SEMA3A: variants seen among roughly 807,000 people sequenced by gnomAD.
SEMA3A encodes semaphorin-3A.
SEMA3A carries 29 observed loss-of-function variants against 97.9 expected under a neutral mutation model. The observed-to-expected ratio is 0.30, with a 90% CI of 0.22 to 0.40. SEMA3A has a LOEUF of 0.40. Ranked by LOEUF, SEMA3A falls within the 10% of genes least tolerant of loss-of-function variation. The pLI, the probability that SEMA3A is intolerant of heterozygous loss-of-function variation, is 1.00. For missense variants in SEMA3A, 763 were observed against 951.3 expected, an observed-to-expected ratio of 0.80 and a Z score of 2.60; for synonymous variants, 321 against 323.7, an observed-to-expected ratio of 0.99 and a Z score of 0.09.
chr7:84,115,444 A>G lies in SEMA3A; in HGVS notation c.334-4855T>C, dbSNP rs1460158266. Among the ~76,000 whole-genome samples, 4 of 71,864 alleles carry G rather than the reference A, an allele frequency of 5.6e-5. No individual in the cohort carries two copies. The Admixed American group carries it at 5.7e-4, about 10-fold the overall frequency. 47.1% of individuals were successfully genotyped at this position (71,864 alleles called of 152,430 possible). ...TACTTGAAACCTTCAAACATGTTCAAAATGATTATACACTAGGCACTATAG... is the reference window on the plus strand; with the variant it reads ...TACTTGAAACCTTCAAACATGTTCAGAATGATTATACACTAGGCACTATAG... On this transcript the variant is annotated intron_variant, in intron 3 of 16. Transcript: ENST00000265362.
At chr7:84,283,918 T>G (rs1584200230) in intron 3 of SEMA3A, among the ~76,000 whole-genome samples, 1 of 152,216 alleles carries the variant, frequency 6.6e-6, no homozygotes, top group East Asian at 1.9e-4. Flanking sequence ...TTCCTTAAAT[T>G]TTTTTCCTGG....
At chr7:84,044,751 C>T (rs1792283087) in intron 6 of SEMA3A, among the ~76,000 whole-genome samples, 1 of 151,898 alleles carries the variant, frequency 6.6e-6, no homozygotes, top group Non-Finnish European at 1.5e-5. Flanking sequence ...TATATTGGGA[C>T]TTTGTGGCAT....
At chr7:84,315,505 A>C (rs1801474639) in intron 2 of SEMA3A, among the ~76,000 whole-genome samples, 1 of 152,214 alleles carries the variant, frequency 6.6e-6, no homozygotes, top group Non-Finnish European at 1.5e-5. Context: ...GTCTCTGGTT[A>C]AAAACAGACT....
chr7:84,117,599 T>G (rs530078843), intron 3 of SEMA3A, among the ~76,000 whole-genome samples: 1 of 152,296 alleles, frequency 6.6e-6, no homozygotes, highest in South Asian at 2.1e-4. Flanking sequence ...TTTTATGAAC[T>G]GTGCATACAA....
intron 3 of SEMA3A, among the ~76,000 whole-genome samples, chr7:84,286,343 C>T (rs1800587694): frequency 6.6e-6 from 1 of 152,102 alleles, no homozygotes; most frequent in South Asian, 2.1e-4. Flanking sequence ...AGAGTAATGT[C>T]GATAAAGGAA....
At chr7:84,398,331 C>T (rs2888322) in intron 1 of SEMA3A, among the ~76,000 whole-genome samples, 14,574 of 151,986 alleles carry the variant, frequency 0.096, 1,248 homozygotes, top group African/African-American at 0.2. Flanking sequence ...ATGTCTGGTG[C>T]TTTTTCTTAG....
At chr7:84,089,813 T>C (rs1456515744) in intron 4 of SEMA3A, among the ~76,000 whole-genome samples, 1 of 123,954 alleles carries the variant, frequency 8.1e-6, no homozygotes, top group Non-Finnish European at 1.9e-5. Flanking sequence ...AGATTTATTA[T>C]TAACTGAAAA....
At chr7:84,261,965 G>A (rs1799867451) in intron 3 of SEMA3A, among the ~76,000 whole-genome samples, 1 of 152,140 alleles carries the variant, frequency 6.6e-6, no homozygotes, top group South Asian at 2.1e-4. Context: ...TCTTAGAGAG[G>A]AAATCCTCTT....
intron 2 of SEMA3A, among the ~76,000 whole-genome samples, chr7:84,313,996 C>T (rs538438853): frequency 1.3e-3 from 194 of 152,108 alleles, no homozygotes; most frequent in South Asian, 6.2e-3. Context: ...ATAGATAAAA[C>T]TGTGCTCATT....
intron 2 of SEMA3A, among the ~76,000 whole-genome samples, chr7:84,331,360 G>C (rs544086698): frequency 1.3e-5 from 2 of 152,184 alleles, no homozygotes; most frequent in East Asian, 1.9e-4. Flanking sequence ...TTGAGTTTCT[G>C]CTTTTAATCC....
At chr7:84,044,200 C>T (rs41323648) in intron 6 of SEMA3A, among the ~76,000 whole-genome samples, 7,342 of 151,958 alleles carry the variant, frequency 0.048, 287 homozygotes, top group East Asian at 0.19. Context: ...CTAATTTTGC[C>T]TCTGCACACA....
At chr7:84,073,723 T>C (rs1793832893) in intron 4 of SEMA3A, among the ~76,000 whole-genome samples, 1 of 152,066 alleles carries the variant, frequency 6.6e-6, no homozygotes, top group African/African-American at 2.4e-5. Flanking sequence ...TTTTCATGCA[T>C]TATGGCCGTT....
rs1164612493 is a variant in SEMA3A, at chr7:84,099,133, C to G, written c.453+11337G>C. Among the ~76,000 whole-genome samples the G allele has an allele frequency of 7.8e-5, 4 of 51,224 alleles. 1 individual carries two copies. In the South Asian group the frequency reaches 1.9e-3, roughly 24 times the overall value. 33.6% of individuals were successfully genotyped at this position (51,224 alleles called of 152,430 possible). ...TCGCCCAGGCTGGAGTGCAGTGGCG[C>G]GATCTCGGCTCACTGCAAGCTCCGC... On this transcript the variant is annotated intron_variant, in intron 4 of 16. Transcript: ENST00000265362.
chr7:84,062,328 G>A (rs981060872), intron 4 of SEMA3A, among the ~76,000 whole-genome samples: 2 of 152,038 alleles, frequency 1.3e-5, no homozygotes, highest in African/African-American at 4.8e-5. Context: ...TATATGAAAA[G>A]ACATATTCTA....
intron 1 of SEMA3A, among the ~76,000 whole-genome samples, chr7:84,480,304 A>G (rs949819166): frequency 2.6e-5 from 4 of 152,190 alleles, no homozygotes; most frequent in Non-Finnish European, 5.9e-5. Context: ...CTAGGAATGG[A>G]GAATGGAAGG....
chr7:84,187,270 A>G (rs908660138), intron 1 of SEMA3A, among the ~76,000 whole-genome samples: 5 of 152,204 alleles, frequency 3.3e-5, no homozygotes, highest in African/African-American at 4.8e-5. Context: ...ACATTCAGAT[A>G]CAATAAGACT....
rs1222303944 is a variant in SEMA3A, at chr7:83,959,380, G to A, written c.*1991C>T. ...TTTTTTGGAGCACTCTTTGTTCTTC[G>A]ATTTATATTTGAAACACTACTTTCT... On this transcript the variant is annotated 3_prime_UTR_variant, in exon 17 of 17. Coordinates refer to ENST00000265362, the MANE Select transcript of SEMA3A (RefSeq NM_006080.3). The A allele has an allele frequency of 1.3e-5, 2 of 151,986 alleles. No homozygotes were observed. Among genetic ancestry groups the A allele is most frequent in the Admixed American group, 6.6e-5 (1 of 15,246 alleles). 9.4% of individuals were successfully genotyped at this position (151,986 alleles called of 1,614,324 possible). A position where few individuals can be genotyped will look rare whatever the true frequency, so the allele number is the denominator to read the frequency against.
intron 1 of SEMA3A, among the ~76,000 whole-genome samples, chr7:84,157,898 G>A (rs1012355959): frequency 2.6e-5 from 4 of 151,996 alleles, no homozygotes; most frequent in Non-Finnish European, 4.4e-5. Context: ...ATTCCCTTGC[G>A]CAAACTTCGT....
At chr7:84,103,117 T>C (rs577471089) in intron 4 of SEMA3A, among the ~76,000 whole-genome samples, 60 of 152,238 alleles carry the variant, frequency 3.9e-4, no homozygotes, top group Non-Finnish European at 7.4e-4. Context: ...AGTGTGAACA[T>C]AGTCCTAGTA....
Sources: allele counts gnomAD v4.1 joint callset (sites outside exome capture counted in the v4.1 genomes callset), GRCh38; gene constraint gnomAD v4.1.1; transcripts MANE v1.5; gene names NCBI Gene and HGNC (gene_info 2026-07-23, HGNC 2026-07-21).